Variants in CHN2 observed in about 807,000 individuals in gnomAD.
CHN2 encodes chimerin 2.
In CHN2, 35 loss-of-function variants were observed where a neutral mutation model predicts 56.3. That is an observed-to-expected ratio of 0.62 (90% CI 0.47 to 0.82). CHN2 has a LOEUF of 0.82. Ranked by LOEUF, CHN2 falls within the 40% of genes least tolerant of loss-of-function variation. The pLI is 0.00. For missense variants in CHN2, 491 were observed against 580.5 expected (o/e 0.85, Z 1.58); for synonymous variants, 210 against 212.8 (o/e 0.99, Z 0.12).
At chr7:29,196,431 G>A (rs1354140859) in intron 1 of CHN2, among the ~76,000 whole-genome samples, 1 of 152,102 alleles carries the variant, frequency 6.6e-6, no homozygotes, top group Non-Finnish European at 1.5e-5. Context: ...TGACCGCCGT[G>A]GTTTTAATTC....
At chr7:29,212,512 T>C (rs1785030741) in intron 1 of CHN2, 1 of 1,565,430 alleles carries the variant, frequency 6.4e-7, no homozygotes, top group Non-Finnish European at 8.8e-7. Flanking sequence ...CTTCCACCAG[T>C]CCCAAAGGCA....
At chr7:29,204,061 CTCTCTCTGTG>C (rs1784344259) in intron 1 of CHN2, among the ~76,000 whole-genome samples, 1 of 108,354 alleles carries the variant, frequency 9.2e-6, no homozygotes, top group Admixed American at 1.0e-4. Flanking sequence ...ACGTTTTTCT[CTCTCTCTGTG>C]TGTGTGTGTG....
chr7:29,263,586 C>T (rs568848143), intron 1 of CHN2, among the ~76,000 whole-genome samples: 2 of 151,432 alleles, frequency 1.3e-5, no homozygotes, highest in African/African-American at 2.4e-5. Context: ...AAGTGAGGAG[C>T]GTCTCTGCCT....
At chr7:29,393,300 C>A (rs1395936976) in intron 3 of CHN2, among the ~76,000 whole-genome samples, 2 of 152,294 alleles carry the variant, frequency 1.3e-5, no homozygotes, top group African/African-American at 4.8e-5. Flanking sequence ...ATAATAAAAA[C>A]AATTAGGCAC....
rs935021452 is a variant in CHN2 at position 29,262,084 on chromosome 7, C to T, written c.49+67094C>T. ...TCGGGAGGCTGAGGCAGGAGAATCG[C>T]TTGAATCTGGAAGGCAGAGGTTGCA... On this transcript the variant is annotated intron_variant, in intron 1 of 12. Coordinates refer to ENST00000222792, the MANE Select transcript of CHN2 (RefSeq NM_004067.4). Among the ~76,000 whole-genome samples the T allele has an allele frequency of 1.2e-4, 18 of 152,236 alleles. No individual in the cohort carries two copies. In the East Asian group the frequency reaches 3.1e-3, roughly 26 times the overall value.
chr7:29,299,427 A>G (rs1793465915), intron 1 of CHN2, among the ~76,000 whole-genome samples: 1 of 152,204 alleles, frequency 6.6e-6, no homozygotes, highest in Non-Finnish European at 1.5e-5. Context: ...ATTTGCAGTC[A>G]GGTTGAGTTT....
chr7:29,355,300 C>T (rs967168306), intron 2 of CHN2, among the ~76,000 whole-genome samples: 2 of 152,048 alleles, frequency 1.3e-5, no homozygotes, highest in Admixed American at 6.6e-5. Context: ...CACAGTTGAT[C>T]GGCAAGGACA....
intron 4 of CHN2, 162 bp from the exon 5 acceptor site, chr7:29,398,211 G>T (rs1801917074): frequency 3.7e-6 from 2 of 538,742 alleles, no homozygotes; most frequent in Non-Finnish European, 6.6e-6. Flanking sequence ...CATGTGAGGG[G>T]TGGTTCCAAG....
intron 1 of CHN2, among the ~76,000 whole-genome samples, chr7:29,291,616 ACTTT>A (rs1792634077): frequency 6.6e-6 from 1 of 152,132 alleles, no homozygotes. Flanking sequence ...CATGGATGGA[ACTTT>A]CTTTTTTTTA....
intron 6 of CHN2, among the ~76,000 whole-genome samples, chr7:29,439,433 T>A (rs1487205193): frequency 6.6e-6 from 1 of 152,218 alleles, no homozygotes; most frequent in East Asian, 1.9e-4. Context: ...GCTTTGCATG[T>A]CTGGTGTTCT....
At position 29,254,449 on chromosome 7, in the gene CHN2, TGAG is replaced by T. The variant is rs1393177623; in HGVS notation, c.49+59466_49+59468del. 6.6e-5 allele frequency among the ~76,000 whole-genome samples: 10 copies of T among 152,302 alleles called. No individual in the cohort carries two copies. In the East Asian group the frequency reaches 1.7e-3, roughly 26 times the overall value. ...GTATCTCAAGCACGTTCTGTAACAA[TGAG>T]GAGGAGATACTACATTAAGGATTAA... On this transcript the variant is annotated intron_variant, in intron 1 of 12. Transcript: ENST00000222792.
chr7:29,407,287 G>A (rs1802739478), intron 6 of CHN2, among the ~76,000 whole-genome samples: 1 of 152,102 alleles, frequency 6.6e-6, no homozygotes, highest in Non-Finnish European at 1.5e-5. Context: ...GATTGTTGAG[G>A]CCTTTTTTTT....
intron 1 of CHN2, among the ~76,000 whole-genome samples, chr7:29,263,013 T>C (rs1380346872): frequency 6.6e-6 from 1 of 152,148 alleles, no homozygotes; most frequent in East Asian, 1.9e-4. Context: ...TTCTCCCCTC[T>C]CCCCTCTCCC....
chr7:29,496,204 C>T (rs1026092145), intron 8 of CHN2, among the ~76,000 whole-genome samples, 168 bp downstream of exon 8: 3 of 145,620 alleles, frequency 2.1e-5, no homozygotes, highest in Non-Finnish European at 4.5e-5. Context: ...CAAGTGTTTG[C>T]AGGAATGAAA....
At chr7:29,366,390 GA>G (rs1799164086) in intron 2 of CHN2, among the ~76,000 whole-genome samples, 1 of 152,152 alleles carries the variant, frequency 6.6e-6, no homozygotes, top group Non-Finnish European at 1.5e-5. Context: ...ACATGCATAG[GA>G]AAAAGGCAGC....
At chr7:29,451,974 C>T (rs539070989) in intron 6 of CHN2, among the ~76,000 whole-genome samples, 22 of 152,262 alleles carry the variant, frequency 1.4e-4, no homozygotes, top group Middle Eastern at 3.4e-3. Flanking sequence ...TCATCATGAC[C>T]GCCACACCAC....
At chr7:29,308,385 A>G (rs1562906792) in intron 1 of CHN2, among the ~76,000 whole-genome samples, 1 of 152,198 alleles carries the variant, frequency 6.6e-6, no homozygotes, top group Non-Finnish European at 1.5e-5. Context: ...TCTAAGTGCT[A>G]TCACTTACAA....
chr7:29,393,550 T>A, intron 3 of CHN2, 129 bp from the exon 4 acceptor site: 1 of 442,916 alleles, frequency 2.3e-6, no homozygotes, highest in Non-Finnish European at 4.0e-6. Flanking sequence ...TTCATGGATC[T>A]CTGATTTGGA....
intron 1 of CHN2, among the ~76,000 whole-genome samples, chr7:29,230,722 A>G (rs1427400702): frequency 6.6e-6 from 1 of 152,218 alleles, no homozygotes; most frequent in Non-Finnish European, 1.5e-5. Context: ...TTACATATTT[A>G]AAGATGATCA....
Sources: allele counts gnomAD v4.1 joint callset (sites outside exome capture counted in the v4.1 genomes callset), GRCh38; gene constraint gnomAD v4.1.1; transcripts MANE v1.5; gene names NCBI Gene and HGNC (gene_info 2026-07-23, HGNC 2026-07-21).